Variants in ARHGAP18 observed in about 807,000 individuals in gnomAD.
The protein encoded by ARHGAP18 is Rho GTPase activating protein 18.
A neutral mutation model predicts 86.2 loss-of-function variants in ARHGAP18; 67 were observed. The ratio of observed to expected loss-of-function variants is 0.78; its 90% CI spans 0.64 to 0.95. ARHGAP18 has a LOEUF of 0.95. ARHGAP18 is among the 40% of genes least tolerant of loss of function. The probability of loss-of-function intolerance (pLI) is 0.00; values close to 1 mark genes in which losing one functional copy is unlikely to be tolerated. For synonymous variants in ARHGAP18, 283 were observed against 280.4 expected, an observed-to-expected ratio of 1.01 and a Z score of -0.09; for missense variants, 691 against 780.4, an observed-to-expected ratio of 0.89 and a Z score of 1.37.
At chr6:129,672,189 G>A (rs764358208) in intron 1 of ARHGAP18, among the ~76,000 whole-genome samples, 13 of 151,996 alleles carry the variant, frequency 8.6e-5, no homozygotes, top group African/African-American at 1.9e-4. Context: ...AAATTTAACC[G>A]TCTGTGTCCC....
rs1421372017 is a variant in ARHGAP18 at position 129,638,451 on chromosome 6, CTGTT to C, written c.491_494del (p.Lys164SerfsTer53). ...TGTCTCTGACGTCAGGAATCTGGTA[CTGTT>C]TGTTTTTTTTCCTCAAGGTCTGGGA... On this transcript the variant is annotated frameshift_variant, in exon 3 of 15. Coordinates refer to ENST00000368149, the MANE Select transcript of ARHGAP18 (RefSeq NM_033515.3). LOFTEE classifies it high-confidence loss of function. 1 of 1,614,124 alleles carries C rather than the reference CTGTT, an allele frequency of 6.2e-7. No homozygotes were observed. The highest frequency in any genetic ancestry group is 8.5e-7 in the Non-Finnish European group (1 of 1,180,002).
intron 1 of ARHGAP18, among the ~76,000 whole-genome samples, chr6:129,682,719 A>G (rs1774344639): frequency 6.6e-6 from 1 of 152,352 alleles, no homozygotes; most frequent in South Asian, 2.1e-4. Context: ...GTTGAGATTC[A>G]GGAATAAAGA....
chr6:129,645,812 T>G (rs1485661016), intron 1 of ARHGAP18, among the ~76,000 whole-genome samples: 1 of 152,196 alleles, frequency 6.6e-6, no homozygotes, highest in Non-Finnish European at 1.5e-5. Flanking sequence ...ACTTTACAGA[T>G]CCTGATGGGC....
At chr6:129,682,910 A>G (rs553153014) in intron 1 of ARHGAP18, among the ~76,000 whole-genome samples, 1 of 152,168 alleles carries the variant, frequency 6.6e-6, no homozygotes, top group Non-Finnish European at 1.5e-5. Flanking sequence ...ATCAAAAGAC[A>G]TAGCTTGATA....
rs1471643525 is a variant in ARHGAP18, at chr6:129,600,819, TA to T, written c.1394del (p.Ile465LysfsTer9). 10 of 1,612,868 alleles carry T rather than the reference TA, an allele frequency of 6.2e-6. No individual in the cohort carries two copies. The highest frequency in any genetic ancestry group is 6.8e-6 in the Non-Finnish European group (8 of 1,179,478). On this transcript the variant is annotated frameshift_variant, in exon 11 of 15. Coordinates refer to ENST00000368149, the MANE Select transcript of ARHGAP18 (RefSeq NM_033515.3). LOFTEE classifies it high-confidence loss of function. ...TCATTTTATTTTTTTCTTTATTATC[TA>T]TTACTCTTTGGAGAAATTCAAGAAG... ...KALLEFLQRV[I>X]DNKEKNKMTV...
At chr6:129,639,404 A>G (rs1342274621) in intron 2 of ARHGAP18, among the ~76,000 whole-genome samples, 4 of 152,346 alleles carry the variant, frequency 2.6e-5, no homozygotes, top group South Asian at 2.1e-4. Context: ...ATTGGGACAC[A>G]AAAGACCTGG....
intron 1 of ARHGAP18, among the ~76,000 whole-genome samples, chr6:129,646,078 A>T (rs72984799): frequency 6.6e-6 from 1 of 152,158 alleles, no homozygotes; most frequent in Admixed American, 6.5e-5. Context: ...GGGGGTTGCC[A>T]TTGATTATAC....
In ARHGAP18 at chr6:129,636,540, TCAAA is replaced by T. The variant is rs976375585; in HGVS notation, c.552+1850_552+1853del. 2.5e-4 allele frequency among the ~76,000 whole-genome samples: 38 copies of T among 152,168 alleles called. 1 individual carries two copies. The highest frequency in any genetic ancestry group is 3.3e-4 in the Admixed American group (5 of 15,282). ...CTGGTTAAAAGCATGTACTTCAAAG[TCAAA>T]CAAATTTGGGTTTACTATCTACAGG... On this transcript the variant is annotated intron_variant, in intron 3 of 14. Coordinates refer to ENST00000368149, the MANE Select transcript of ARHGAP18 (RefSeq NM_033515.3).
chr6:129,667,028 T>G (rs1774052742), intron 1 of ARHGAP18, among the ~76,000 whole-genome samples: 1 of 152,130 alleles, frequency 6.6e-6, no homozygotes, highest in Admixed American at 6.5e-5. Context: ...TTATATGGAA[T>G]GAGAAAAGTA....
intron 1 of ARHGAP18, among the ~76,000 whole-genome samples, chr6:129,651,664 G>A (rs1465279631): frequency 1.3e-5 from 2 of 152,186 alleles, no homozygotes; most frequent in African/African-American, 2.4e-5. Context: ...ACACTCCTCA[G>A]GCCCTGCGGT....
intron 5 of ARHGAP18, 102 bp downstream of exon 5, chr6:129,629,251 A>G: frequency 2.7e-6 from 2 of 738,854 alleles, no homozygotes; most frequent in Non-Finnish European, 3.9e-6. Context: ...CTCTCTCTAT[A>G]TATATATATA....
intron 1 of ARHGAP18, among the ~76,000 whole-genome samples, chr6:129,665,343 C>T (rs944501636): frequency 3.3e-5 from 5 of 151,970 alleles, no homozygotes; most frequent in Non-Finnish European, 5.9e-5. Flanking sequence ...CTCACAAGTT[C>T]GAGACCAGCA....
Position 129,577,669 on chromosome 6 carries a change from A to G in ARHGAP18, c.*844T>C, listed in dbSNP as rs1788205924. The G allele has an allele frequency of 6.6e-6, 1 of 152,230 alleles. No homozygotes were observed. Among genetic ancestry groups the G allele is most frequent in the South Asian group, 2.1e-4 (1 of 4,834 alleles). 9.4% of individuals were successfully genotyped at this position (152,230 alleles called of 1,614,324 possible). ...TATCATGCATATTTATAATGCTAATAATGACAACACGTAAAGCCAGCTATG... is the reference window on the plus strand; with the variant it reads ...TATCATGCATATTTATAATGCTAATGATGACAACACGTAAAGCCAGCTATG... On this transcript the variant is annotated 3_prime_UTR_variant, in exon 15 of 15. Coordinates refer to ENST00000368149, the MANE Select transcript of ARHGAP18 (RefSeq NM_033515.3).
Position 129,618,859 on chromosome 6 carries a change from T to C in ARHGAP18, c.787-7A>G. 6.2e-7 allele frequency: 1 copy of C among 1,610,698 alleles called. No individual in the cohort carries two copies. Among genetic ancestry groups the C allele is most frequent in the Middle Eastern group, 1.7e-4 (1 of 6,038 alleles). On this transcript the variant is annotated splice_polypyrimidine_tract_variant and splice_region_variant and intron_variant, in intron 5 of 14. Coordinates refer to ENST00000368149, the MANE Select transcript of ARHGAP18 (RefSeq NM_033515.3). Reference sequence around the variant, plus strand: ...CTTTTGGCAATCTGAAACTCTAAAATAAACATCATTAATATAGTAAAAGCT... The same window carrying C: ...CTTTTGGCAATCTGAAACTCTAAAACAAACATCATTAATATAGTAAAAGCT...
At chr6:129,673,952 G>C (rs1291659594) in intron 1 of ARHGAP18, among the ~76,000 whole-genome samples, 1 of 151,990 alleles carries the variant, frequency 6.6e-6, no homozygotes, top group African/African-American at 2.4e-5. Flanking sequence ...GGCCCACAGA[G>C]TAATACATAC....
chr6:129,703,989 T>C (rs1226136786), intron 1 of ARHGAP18, among the ~76,000 whole-genome samples: 1 of 54,558 alleles, frequency 1.8e-5, no homozygotes, highest in East Asian at 4.0e-4. Context: ...TATATATATA[T>C]GATCAGGTAA....
intron 1 of ARHGAP18, among the ~76,000 whole-genome samples, chr6:129,668,478 A>G (rs1774084637): frequency 6.6e-6 from 1 of 151,718 alleles, no homozygotes; most frequent in Admixed American, 6.6e-5. Flanking sequence ...ATCTTTCTAA[A>G]CCATAAGTCA....
intron 1 of ARHGAP18, among the ~76,000 whole-genome samples, chr6:129,655,687 C>T (rs982946924): frequency 5.9e-5 from 9 of 151,934 alleles, no homozygotes; most frequent in African/African-American, 1.7e-4. Context: ...AAGCCAGTTC[C>T]GTAAAGTAAA....
At chr6:129,605,258 A>T (rs952118563) in intron 10 of ARHGAP18, among the ~76,000 whole-genome samples, 1 of 152,204 alleles carries the variant, frequency 6.6e-6, no homozygotes, top group Non-Finnish European at 1.5e-5. Context: ...GACAACACTT[A>T]AAGTAGATGA....
Sources: gnomAD v4.1 joint callset for allele counts (sites outside exome capture counted in the v4.1 genomes callset) on GRCh38, gnomAD v4.1.1 for gene constraint, MANE v1.5 for transcripts, NCBI Gene and HGNC (gene_info 2026-07-23, HGNC 2026-07-21) for gene names.